The following LHFPL2 variants were observed in gnomAD, a reference collection of about 807,000 sequenced individuals.
The protein encoded by LHFPL2 is LHFPL tetraspan subfamily member 2 protein.
A neutral mutation model predicts 17.5 loss-of-function variants in LHFPL2; 7 were observed. The ratio of observed to expected loss-of-function variants is 0.40; its 90% CI spans 0.23 to 0.75. The LOEUF (loss-of-function observed/expected upper bound fraction) is 0.75. Among genes scored for constraint, LHFPL2 ranks in the 30% least tolerant of loss-of-function variants. The pLI, the probability that LHFPL2 is intolerant of heterozygous loss-of-function variation, is 0.37. For synonymous variants in LHFPL2, 134 were observed against 116.2 expected (o/e 1.15, Z -0.99); for missense variants, 241 against 294.8 (o/e 0.82, Z 1.34).
chr5:78,530,002 G>A (rs1290976427), intron 3 of LHFPL2, among the ~76,000 whole-genome samples: 4 of 152,194 alleles, frequency 2.6e-5, no homozygotes, highest in Non-Finnish European at 5.9e-5. Flanking sequence ...ACTGGAAGAA[G>A]GGAGAGAAAA....
At position 78,489,127 on chromosome 5, in the gene LHFPL2, G is replaced by A. The variant is rs1754352751; in HGVS notation, c.457C>T (p.Leu153Phe). ...AGLFLILGLI[L>F]YPAGWGCQKA... is the part of the protein sequence containing the mutation. The stretch of plus-strand genomic sequence containing the variant: ...TGGCAACCCCAGCCAGCAGGGTAGA[G>A]TATCAAACCGAGGATAAGGAATAGA... Residue 153 changes from leucine (L) to phenylalanine (F), a missense_variant, in exon 5 of 5, where the codon CTC becomes TTC. Coordinates refer to ENST00000380345, the MANE Select transcript of LHFPL2 (RefSeq NM_005779.3). 1.2e-6 allele frequency: 2 copies of A among 1,614,178 alleles called. No homozygotes were observed. Among genetic ancestry groups the A allele is most frequent in the East Asian group, 2.2e-5 (1 of 44,884 alleles).
Position 78,488,848 on chromosome 5 carries a change from C to CTGTT in LHFPL2, c.*45_*48dup, listed in dbSNP as rs747033020. The CTGTT allele has an allele frequency of 8.1e-6, 13 of 1,596,560 alleles. No individual in the cohort carries two copies. The East Asian group carries it at 2.5e-4, about 30-fold the overall frequency. ...TTGACTCAAATGATGAAACTGTGGA[C>CTGTT]TGTTTCACAAGATTACTCAAGGGAG... On this transcript the variant is annotated 3_prime_UTR_variant, in exon 5 of 5. Transcript: ENST00000380345.
intron 1 of LHFPL2, among the ~76,000 whole-genome samples, chr5:78,646,444 GCAAT>G (rs1300031453): frequency 6.6e-6 from 1 of 152,210 alleles, no homozygotes; most frequent in Non-Finnish European, 1.5e-5. Flanking sequence ...CTGCACAAAA[GCAAT>G]CAGTTAATCT....
At chr5:78,631,395 G>A (rs978771045) in intron 2 of LHFPL2, among the ~76,000 whole-genome samples, 4 of 152,116 alleles carry the variant, frequency 2.6e-5, no homozygotes, top group African/African-American at 7.2e-5. Flanking sequence ...CATAACTTAC[G>A]CTACTTGGGA....
intron 2 of LHFPL2, among the ~76,000 whole-genome samples, chr5:78,592,051 C>T (rs1026139258): frequency 3.3e-5 from 5 of 152,192 alleles, no homozygotes; most frequent in African/African-American, 1.2e-4. Flanking sequence ...CCCTTCAACT[C>T]ATTTTCATTT....
intron 3 of LHFPL2, among the ~76,000 whole-genome samples, chr5:78,514,241 C>T (rs571624055): frequency 6.6e-6 from 1 of 152,114 alleles, no homozygotes; most frequent in Non-Finnish European, 1.5e-5. Flanking sequence ...CGTTTCCCCT[C>T]GACAACACCT....
chr5:78,619,709 T>C (rs528364919), intron 2 of LHFPL2, among the ~76,000 whole-genome samples: 3 of 139,638 alleles, frequency 2.1e-5, no homozygotes, highest in Non-Finnish European at 3.1e-5. Flanking sequence ...TGTCCGTCCA[T>C]GTGTTCTCAT....
At chr5:78,644,736 G>T in intron 1 of LHFPL2, 1 of 240,124 alleles carries the variant, frequency 4.2e-6, no homozygotes, top group Non-Finnish European at 8.6e-6. Flanking sequence ...AAAACTCTGA[G>T]GAGCTGACTG....
At chr5:78,640,938 C>A in intron 1 of LHFPL2, among the ~76,000 whole-genome samples, 1 of 152,178 alleles carries the variant, frequency 6.6e-6, no homozygotes, top group East Asian at 1.9e-4. Flanking sequence ...ACACCAGTAG[C>A]CCTTGAGGGC....
intron 4 of LHFPL2, among the ~76,000 whole-genome samples, chr5:78,507,329 TA>T (rs769112900): frequency 1.1e-3 from 148 of 139,264 alleles, no homozygotes; most frequent in Admixed American, 1.7e-3. Context: ...GAATCTGTCT[TA>T]AAAAAAAAAA....
intron 3 of LHFPL2, among the ~76,000 whole-genome samples, chr5:78,542,508 C>A (rs1334400040): frequency 1.3e-5 from 2 of 152,172 alleles, no homozygotes; most frequent in Non-Finnish European, 2.9e-5. Flanking sequence ...GCTGAGCCTT[C>A]CCCCTGATCT....
At chr5:78,528,102 A>T (rs1429864084) in intron 3 of LHFPL2, among the ~76,000 whole-genome samples, 1 of 152,192 alleles carries the variant, frequency 6.6e-6, no homozygotes, top group Non-Finnish European at 1.5e-5. Flanking sequence ...CAATACTGAA[A>T]TGCTTAAACC....
At chr5:78,551,366 T>G (rs927831251) in intron 3 of LHFPL2, among the ~76,000 whole-genome samples, 2 of 152,174 alleles carry the variant, frequency 1.3e-5, no homozygotes, top group African/African-American at 4.8e-5. Context: ...TGGGCAATTT[T>G]GAATTTAAAG....
intron 2 of LHFPL2, among the ~76,000 whole-genome samples, chr5:78,582,460 C>A (rs376212220): frequency 6.7e-6 from 1 of 150,074 alleles, no homozygotes; most frequent in African/African-American, 2.5e-5. Flanking sequence ...GCTTTGAATG[C>A]GTCCCAGAGA....
intron 2 of LHFPL2, among the ~76,000 whole-genome samples, chr5:78,568,479 A>G (rs1410339977): frequency 6.6e-6 from 1 of 152,200 alleles, no homozygotes; most frequent in Non-Finnish European, 1.5e-5. Context: ...TTGAATTGCC[A>G]AAAACAGGAA....
rs771689645 is a variant in LHFPL2 at position 78,510,001 on chromosome 5, T to C, written c.213A>G (p.Pro71=). Reference sequence around the variant, plus strand: ...TGTCCCGCTGGAAGTGCTGCACCCCTGGGTTCCGGATGCAGCGGGCGTAGA... The same window carrying C: ...TGTCCCGCTGGAAGTGCTGCACCCCCGGGTTCCGGATGCAGCGGGCGTAGA... The part of the protein sequence containing the change: ...LGIYARCIRN[P]GVQHFQRDTL... The change falls in exon 4 of 5, where the codon CCA becomes CCG. Residue 71 remains proline, a synonymous_variant. Transcript: ENST00000380345. 2 of 1,613,358 alleles carry C rather than the reference T, an allele frequency of 1.2e-6. No individual in the cohort carries two copies. The highest frequency in any genetic ancestry group is 1.7e-6 in the Non-Finnish European group (2 of 1,179,802).
chr5:78,609,241 A>T (rs1332734713), intron 2 of LHFPL2, among the ~76,000 whole-genome samples: 1 of 152,056 alleles, frequency 6.6e-6, no homozygotes, highest in East Asian at 1.9e-4. Context: ...ACCTGAGGTC[A>T]GGAGTTCTAG....
At chr5:78,643,798 C>T (rs1482172589) in intron 1 of LHFPL2, among the ~76,000 whole-genome samples, 1 of 152,154 alleles carries the variant, frequency 6.6e-6, no homozygotes, top group East Asian at 1.9e-4. Context: ...TGGTGGCTCA[C>T]GCCTGTAATC....
At chr5:78,493,977 TAAAG>T (rs1285429698) in intron 4 of LHFPL2, among the ~76,000 whole-genome samples, 1 of 152,162 alleles carries the variant, frequency 6.6e-6, no homozygotes, top group Non-Finnish European at 1.5e-5. Flanking sequence ...AAATGGAAGG[TAAAG>T]GATGCTTTGG....
Sources: allele counts gnomAD v4.1 joint callset (sites outside exome capture counted in the v4.1 genomes callset), GRCh38; gene constraint gnomAD v4.1.1; transcripts MANE v1.5; gene names NCBI Gene and HGNC (gene_info 2026-07-23, HGNC 2026-07-21).